Variants in MEMO1 observed in about 807,000 individuals in gnomAD.
The protein encoded by MEMO1 is protein MEMO1.
A neutral mutation model predicts 45.2 loss-of-function variants in MEMO1; 6 were observed. The ratio of observed to expected loss-of-function variants is 0.13; its 90% CI spans 0.07 to 0.26. The LOEUF is 0.26. Ranked by LOEUF, MEMO1 falls within the 10% of genes least tolerant of loss-of-function variation. MEMO1 has a pLI of 1.00. For synonymous variants in MEMO1, 78 were observed against 124.3 expected, an observed-to-expected ratio of 0.63 and a Z score of 2.48; for missense variants, 184 against 370.5, an observed-to-expected ratio of 0.50 and a Z score of 4.13.
chr2:31,906,946 T>C (rs562881961), intron 6 of MEMO1, among the ~76,000 whole-genome samples: 6 of 152,318 alleles, frequency 3.9e-5, no homozygotes, highest in African/African-American at 1.2e-4. Flanking sequence ...TTTCTAACTA[T>C]GCAACCCAGA....
chr2:31,986,997 T>C (rs1164172863), intron 2 of MEMO1, among the ~76,000 whole-genome samples: 3 of 152,048 alleles, frequency 2.0e-5, no homozygotes, highest in Admixed American at 1.3e-4. Flanking sequence ...GAGAAAACAA[T>C]GGCCGAAGTT....
At chr2:31,960,101 G>A (rs1002668385) in intron 2 of MEMO1, among the ~76,000 whole-genome samples, 1 of 151,928 alleles carries the variant, frequency 6.6e-6, no homozygotes, top group Non-Finnish European at 1.5e-5. Context: ...GGAGGCTGAG[G>A]CATGAGAACT....
At chr2:31,898,587 T>C (rs777595242) in intron 6 of MEMO1, among the ~76,000 whole-genome samples, 1 of 152,090 alleles carries the variant, frequency 6.6e-6, no homozygotes, top group Non-Finnish European at 1.5e-5. Flanking sequence ...GAGACTGTTA[T>C]GATTTCTGTT....
rs752741377 is a variant in MEMO1 at position 31,897,270 on chromosome 2, T to C, written c.438-5136A>G. ...TTTCCAATACTATGTTGAATAGGAG[T>C]GGTGAGAGGAGACACACTTGTGCTG... On this transcript the variant is annotated intron_variant, in intron 6 of 9. Transcript: ENST00000404530. 4.6e-5 allele frequency among the ~76,000 whole-genome samples: 7 copies of C among 152,144 alleles called. No individual in the cohort carries two copies. The East Asian group carries it at 1.3e-3, about 29-fold the overall frequency.
intron 2 of MEMO1, among the ~76,000 whole-genome samples, chr2:31,966,287 G>T (rs998284158): frequency 6.6e-6 from 1 of 152,146 alleles, no homozygotes; most frequent in African/African-American, 2.4e-5. Context: ...ATTTTAGGAT[G>T]AACAGAATTT....
chr2:32,003,466 G>A (rs1381149556), intron 2 of MEMO1, among the ~76,000 whole-genome samples: 1 of 151,746 alleles, frequency 6.6e-6, no homozygotes, highest in Non-Finnish European at 1.5e-5. Flanking sequence ...TGTTACATAG[G>A]GTATATGAAA....
rs140445407 is a variant in MEMO1, at chr2:31,874,329, C to T, written c.658-4377G>A. Among the ~76,000 whole-genome samples, 1,465 of 152,114 alleles carry T rather than the reference C, an allele frequency of 9.6e-3. 26 individuals carry two copies. Among genetic ancestry groups the T allele is most frequent in the South Asian group, 0.047 (224 of 4,814 alleles). On this transcript the variant is annotated intron_variant, in intron 8 of 9. Transcript: ENST00000404530. ...TATTGACATTGCAAAGCACTAATTA[C>T]CAAAAACACTGGTCTATAGCCAATA... is the stretch of plus-strand genomic sequence containing the variant.
At position 31,943,338 on chromosome 2, in the gene MEMO1, T is replaced by C; in HGVS notation, c.107A>G (p.Gln36Arg). Residue 36 changes from glutamine (Q) to arginine (R), a missense_variant, in exon 3 of 10, where the codon CAG (glutamine) becomes CGG (arginine). Gln to Arg is a conservative substitution (Grantham distance 43). Coordinates refer to ENST00000404530, the MANE Select transcript of MEMO1 (RefSeq NM_001301833.4). ...AQLEGWLSQV[Q>R]STKRPARAII... ...GGCTCTAGCAGGTCTTTTTGTAGAC[T>C]GTACTTGTGAAAGCCAACCTTCTAG... 1.2e-6 allele frequency: 2 copies of C among 1,613,982 alleles called. No individual in the cohort carries two copies. Among genetic ancestry groups the C allele is most frequent in the Non-Finnish European group, 1.7e-6 (2 of 1,179,858 alleles).
chr2:31,955,108 G>A (rs1572798654), intron 2 of MEMO1, among the ~76,000 whole-genome samples: 1 of 152,042 alleles, frequency 6.6e-6, no homozygotes, highest in African/African-American at 2.4e-5. Context: ...CGGGTGTGGT[G>A]GCGCATGCCT....
At chr2:31,946,305 T>C (rs1286359170) in intron 2 of MEMO1, among the ~76,000 whole-genome samples, 1 of 152,180 alleles carries the variant, frequency 6.6e-6, no homozygotes, top group Non-Finnish European at 1.5e-5. Context: ...GCATCTACTG[T>C]CCTTCTGTAT....
At chr2:31,878,119 GAGA>G (rs1324737597) in intron 8 of MEMO1, among the ~76,000 whole-genome samples, 1 of 152,198 alleles carries the variant, frequency 6.6e-6, no homozygotes, top group Non-Finnish European at 1.5e-5. Context: ...AGGCCCCAGT[GAGA>G]AGGTGAGAGC....
chr2:31,975,580 A>C (rs1441174678), intron 2 of MEMO1, among the ~76,000 whole-genome samples: 2 of 152,192 alleles, frequency 1.3e-5, no homozygotes, highest in South Asian at 2.1e-4. Flanking sequence ...AGTGTCCTAG[A>C]TTCATTTCTT....
intron 2 of MEMO1, among the ~76,000 whole-genome samples, chr2:32,002,184 T>TACACAC (rs1468566168): frequency 5.6e-4 from 66 of 116,954 alleles, no homozygotes; most frequent in East Asian, 5.6e-3. Flanking sequence ...TATATATATA[T>TACACAC]ATACACACAC....
intron 3 of MEMO1, among the ~76,000 whole-genome samples, chr2:31,942,570 G>C (rs1255974266): frequency 6.6e-6 from 1 of 151,786 alleles, no homozygotes; most frequent in African/African-American, 2.4e-5. Context: ...GCAGTGGCAT[G>C]ATCTGGCTCA....
intron 2 of MEMO1, among the ~76,000 whole-genome samples, chr2:31,983,327 A>C (rs1670882711): frequency 6.6e-6 from 1 of 152,240 alleles, no homozygotes; most frequent in African/African-American, 2.4e-5. Flanking sequence ...ATGTGTGTAC[A>C]TATGCTACTA....
chr2:31,876,397 T>C (rs536821772), intron 8 of MEMO1, among the ~76,000 whole-genome samples: 32 of 152,314 alleles, frequency 2.1e-4, no homozygotes, highest in African/African-American at 7.5e-4. Context: ...TCATTTACCA[T>C]CATTTACCTT....
At chr2:31,881,824 A>G (rs1428175205) in intron 8 of MEMO1, among the ~76,000 whole-genome samples, 2 of 152,116 alleles carry the variant, frequency 1.3e-5, no homozygotes, top group East Asian at 3.9e-4. Flanking sequence ...CAATAAAGCA[A>G]GACCTTGTCT....
chr2:31,969,586 G>GGGGTGT (rs1553376151), intron 2 of MEMO1, among the ~76,000 whole-genome samples: 3 of 119,262 alleles, frequency 2.5e-5, no homozygotes, highest in South Asian at 2.9e-4. Flanking sequence ...TGTGTGTGTG[G>GGGGTGT]GTGTGTGTGT....
intron 4 of MEMO1, among the ~76,000 whole-genome samples, chr2:31,922,282 T>C (rs1572689548): frequency 6.6e-6 from 1 of 151,684 alleles, no homozygotes; most frequent in Admixed American, 6.6e-5. Context: ...TTATTGGTTA[T>C]ATGTTACTTC....
Sources: allele counts gnomAD v4.1 joint callset (sites outside exome capture counted in the v4.1 genomes callset), GRCh38; gene constraint gnomAD v4.1.1; transcripts MANE v1.5; gene names NCBI Gene and HGNC (gene_info 2026-07-23, HGNC 2026-07-21).